The following KHDRBS3 variants were observed in gnomAD, a reference collection of about 807,000 sequenced individuals.
KHDRBS3 encodes KH RNA binding domain containing, signal transduction associated 3, also known as KH domain-containing, RNA-binding, signal transduction-associated protein 3.
Under a neutral mutation model 45.6 loss-of-function variants are expected in KHDRBS3, and 23 were observed. The ratio of observed to expected loss-of-function variants is 0.50; its 90% CI spans 0.36 to 0.72. The LOEUF (loss-of-function observed/expected upper bound fraction) is 0.72, where lower values mean the gene tolerates loss of function less well. Among genes scored for constraint, KHDRBS3 ranks in the 30% least tolerant of loss-of-function variants. The probability of loss-of-function intolerance (pLI) is 0.00; values close to 1 mark genes in which losing one functional copy is unlikely to be tolerated. For missense variants in KHDRBS3, 352 were observed against 424.8 expected, an observed-to-expected ratio of 0.83 and a Z score of 1.51; for synonymous variants, 162 against 156.5, an observed-to-expected ratio of 1.04 and a Z score of -0.26.
At chr8:135,558,966 G>A (rs1336579100) in intron 5 of KHDRBS3, among the ~76,000 whole-genome samples, 3 of 152,070 alleles carry the variant, frequency 2.0e-5, no homozygotes, top group Non-Finnish European at 4.4e-5. Flanking sequence ...TTGATTTGTA[G>A]GCACGTCACT....
chr8:135,473,947 T>G (rs914383095), intron 1 of KHDRBS3, among the ~76,000 whole-genome samples: 3 of 152,222 alleles, frequency 2.0e-5, no homozygotes, highest in African/African-American at 4.8e-5. Flanking sequence ...TGCTTGCTGC[T>G]GCTGATGTTG....
chr8:135,571,838 T>C (rs1827718521), intron 5 of KHDRBS3, among the ~76,000 whole-genome samples: 1 of 152,166 alleles, frequency 6.6e-6, no homozygotes, highest in African/African-American at 2.4e-5. Flanking sequence ...GTTACTTCTC[T>C]CTAAGCCATA....
At chr8:135,646,244 G>T (rs918689238) in intron 8 of KHDRBS3, among the ~76,000 whole-genome samples, 1 of 152,018 alleles carries the variant, frequency 6.6e-6, no homozygotes, top group Non-Finnish European at 1.5e-5. Context: ...ACTGTTTGAT[G>T]TCCAAGACTT....
chr8:135,473,915 C>A (rs981125815), intron 1 of KHDRBS3, among the ~76,000 whole-genome samples: 1 of 152,276 alleles, frequency 6.6e-6, no homozygotes, highest in South Asian at 2.1e-4. Flanking sequence ...TTGGAGGAGT[C>A]CATGAGAATG....
At chr8:135,499,083 T>C (rs1005835237) in intron 1 of KHDRBS3, among the ~76,000 whole-genome samples, 1 of 152,184 alleles carries the variant, frequency 6.6e-6, no homozygotes, top group African/African-American at 2.4e-5. Context: ...AGGCACCTGA[T>C]TATACAGGTA....
chr8:135,478,668 CAG>C (rs1331234452), intron 1 of KHDRBS3, among the ~76,000 whole-genome samples: 1 of 151,998 alleles, frequency 6.6e-6, no homozygotes, highest in Non-Finnish European at 1.5e-5. Flanking sequence ...GAATCAATAA[CAG>C]AAAGAAATTT....
chr8:135,505,862 G>A (rs879701129), intron 1 of KHDRBS3, among the ~76,000 whole-genome samples: 5 of 148,866 alleles, frequency 3.4e-5, no homozygotes, highest in Non-Finnish European at 7.4e-5. Context: ...AACTGCTAGA[G>A]TTTAGAACCA....
chr8:135,625,914 C>T (rs1830337587), intron 7 of KHDRBS3: 1 of 782,644 alleles, frequency 1.3e-6, no homozygotes, highest in Admixed American at 1.7e-5. Flanking sequence ...CTAATTGATC[C>T]AGGCCAGCAT....
At chr8:135,580,805 G>T (rs1828169463) in intron 5 of KHDRBS3, among the ~76,000 whole-genome samples, 2 of 151,978 alleles carry the variant, frequency 1.3e-5, no homozygotes, top group South Asian at 4.2e-4. Flanking sequence ...TAGAGATGGA[G>T]TTTTGCCATG....
chr8:135,584,017 T>G (rs141511802), intron 6 of KHDRBS3, among the ~76,000 whole-genome samples: 1 of 152,286 alleles, frequency 6.6e-6, no homozygotes, highest in African/African-American at 2.4e-5. Context: ...TTTACTCCCT[T>G]TTCCATCTGC....
At chr8:135,511,722 A>AT (rs982334642) in intron 1 of KHDRBS3, among the ~76,000 whole-genome samples, 7 of 151,174 alleles carry the variant, frequency 4.6e-5, no homozygotes, top group Admixed American at 2.6e-4. Flanking sequence ...CGCCAGGCTA[A>AT]TTTTTTTTTG....
chr8:135,633,226 T>C (rs1251066617), intron 7 of KHDRBS3, among the ~76,000 whole-genome samples: 1 of 152,210 alleles, frequency 6.6e-6, no homozygotes, highest in Non-Finnish European at 1.5e-5. Context: ...GATATGATTG[T>C]CTCATATTAT....
At chr8:135,521,797 G>A (rs1374446024) in intron 2 of KHDRBS3, among the ~76,000 whole-genome samples, 3 of 152,102 alleles carry the variant, frequency 2.0e-5, no homozygotes, top group Admixed American at 6.6e-5. Context: ...GTGTGTATTA[G>A]TAGTTCATTT....
chr8:135,567,476 A>G (rs941478403), intron 5 of KHDRBS3, among the ~76,000 whole-genome samples: 5 of 152,246 alleles, frequency 3.3e-5, no homozygotes, highest in Non-Finnish European at 5.9e-5. Flanking sequence ...CTGAGCATGT[A>G]GCACCCCGTG....
intron 1 of KHDRBS3, among the ~76,000 whole-genome samples, chr8:135,486,958 G>T (rs1822893672): frequency 6.6e-6 from 1 of 152,036 alleles, no homozygotes; most frequent in African/African-American, 2.4e-5. Flanking sequence ...CTAATGTTTG[G>T]ACAAAATTAT....
intron 4 of KHDRBS3, among the ~76,000 whole-genome samples, chr8:135,551,382 T>A (rs1346612139): frequency 2.0e-5 from 3 of 152,210 alleles, no homozygotes; most frequent in East Asian, 3.8e-4. Flanking sequence ...ATAGGTTTTT[T>A]TTATTGCTAC....
chr8:135,545,489 A>G (rs908139402), intron 3 of KHDRBS3, among the ~76,000 whole-genome samples: 9 of 152,174 alleles, frequency 5.9e-5, no homozygotes, highest in African/African-American at 1.7e-4. Context: ...TTATCCAGAC[A>G]CTGTCCTGAG....
chr8:135,645,701 T>A (rs1364860625), intron 8 of KHDRBS3, among the ~76,000 whole-genome samples: 1 of 152,182 alleles, frequency 6.6e-6, no homozygotes, highest in African/African-American at 2.4e-5. Context: ...GTCCAAAGTC[T>A]CACTATGCAG....
chr8:135,588,173 A>G (rs553252310), intron 6 of KHDRBS3, among the ~76,000 whole-genome samples: 2 of 152,310 alleles, frequency 1.3e-5, no homozygotes, highest in South Asian at 4.1e-4. Flanking sequence ...ACTTGGATGG[A>G]AATTGGAAAT....
Sources: allele counts gnomAD v4.1 joint callset (sites outside exome capture counted in the v4.1 genomes callset), GRCh38; gene constraint gnomAD v4.1.1; transcripts MANE v1.5; gene names NCBI Gene and HGNC (gene_info 2026-07-23, HGNC 2026-07-21).